The following SLC43A3 variants were observed in gnomAD, a reference collection of about 807,000 sequenced individuals.
SLC43A3 encodes equilibrative nucleobase transporter 1.
Under a neutral mutation model 53.3 loss-of-function variants are expected in SLC43A3, and 33 were observed. That is an observed-to-expected ratio of 0.62 (90% CI 0.47 to 0.83). The LOEUF (loss-of-function observed/expected upper bound fraction) is 0.83. Among genes scored for constraint, SLC43A3 ranks in the 40% least tolerant of loss-of-function variants. The probability of loss-of-function intolerance (pLI) is 0.00; values close to 1 mark genes in which losing one functional copy is unlikely to be tolerated. For synonymous variants in SLC43A3, 236 were observed against 246.2 expected, an observed-to-expected ratio of 0.96 and a Z score of 0.39; for missense variants, 530 against 610.0, an observed-to-expected ratio of 0.87 and a Z score of 1.38.
rs575306016 is a variant in SLC43A3, at chr11:57,408,049, C to G, written c.1372-153G>C. Reference sequence around the variant, plus strand: ...ACTTTTCACCCAGACACTATGGTGCCCTGGAGGAAGGACTTTCAGTTACTT... The same window carrying G: ...ACTTTTCACCCAGACACTATGGTGCGCTGGAGGAAGGACTTTCAGTTACTT... On this transcript the variant is annotated intron_variant, in intron 13 of 13. Coordinates refer to ENST00000395124, the MANE Select transcript of SLC43A3 (RefSeq NM_199329.3). 35 of 588,466 alleles carry G rather than the reference C, an allele frequency of 5.9e-5. No homozygotes were observed. In the East Asian group the frequency reaches 8.0e-4, roughly 13 times the overall value. The allele number at this position is 588,466 out of a possible 1,614,324, so 36.5% of individuals were successfully genotyped here. A position where few individuals can be genotyped will look rare whatever the true frequency, so the allele number is the denominator to read the frequency against.
intron 11 of SLC43A3, among the ~76,000 whole-genome samples, chr11:57,410,648 T>C (rs1028901977): frequency 6.6e-6 from 1 of 151,140 alleles, no homozygotes; most frequent in Non-Finnish European, 1.5e-5. Context: ...AAAAAAAAAC[T>C]CTGCAGAATA....
chr11:57,410,052 A>C lies in SLC43A3; in HGVS notation c.1130T>G (p.Leu377Arg), dbSNP rs775468779. The change falls in exon 12 of 14, where the codon CTG (leucine) becomes CGG (arginine). Residue 377 changes from leucine (L) to arginine (R), a missense_variant. Coordinates refer to ENST00000395124, the MANE Select transcript of SLC43A3 (RefSeq NM_199329.3). ...PSLALTSLLC[L>R]GFALCASVPI... ...GACTGAGGCACAGAGGGCGAAGCCC[A>C]GGCACAGCAGGGATGTCAGGGCCAG... 1.9e-6 allele frequency: 3 copies of C among 1,612,594 alleles called. No homozygotes were observed. The highest frequency in any genetic ancestry group is 2.5e-6 in the Non-Finnish European group (3 of 1,179,562).
At chr11:57,422,712 T>C (rs1457795730) in intron 5 of SLC43A3, among the ~76,000 whole-genome samples, 1 of 152,214 alleles carries the variant, frequency 6.6e-6, no homozygotes, top group Non-Finnish European at 1.5e-5. Flanking sequence ...AAGAGGAGGA[T>C]TGTTGCTCAG....
Position 57,426,312 on chromosome 11 carries a change from C to G in SLC43A3, c.-140G>C, listed in dbSNP as rs943174705. 3 of 731,772 alleles carry G rather than the reference C, an allele frequency of 4.1e-6. No homozygotes were observed. Among genetic ancestry groups the G allele is most frequent in the Non-Finnish European group, 6.6e-6 (3 of 454,278 alleles). 45.3% of individuals were successfully genotyped at this position (731,772 alleles called of 1,614,324 possible). A position where few individuals can be genotyped will look rare whatever the true frequency, so the allele number is the denominator to read the frequency against. On this transcript the variant is annotated 5_prime_UTR_variant, in exon 3 of 14. It removes the in-frame stop codon of an upstream open reading frame in the 5' UTR. Coordinates refer to ENST00000395124, the MANE Select transcript of SLC43A3 (RefSeq NM_199329.3). ...CTTTCCCGTAGCTCTCTGGTTGTTT[C>G]AGGCCTGGGCAAAAACCATCAGCGG... is the stretch of plus-strand genomic sequence containing the variant.
rs1403914202 is a variant in SLC43A3 at position 57,417,849 on chromosome 11, G to A, written c.570C>T (p.Phe190=). 1 of 1,614,078 alleles carries A rather than the reference G, an allele frequency of 6.2e-7. No individual in the cohort carries two copies. The highest frequency in any genetic ancestry group is 1.3e-5 in the African/African-American group (1 of 74,928). ...AGGTACTGCAGACAGAGATGAAGAT[G>A]AAGGAGGCCCTGAGGCTGATGCCTT... ...YEKGISLRAS[F]IFISVCSTWH... Residue 190 remains phenylalanine (F), a synonymous_variant, in exon 8 of 14, where the codon TTC becomes TTT. Coordinates refer to ENST00000395124, the MANE Select transcript of SLC43A3 (RefSeq NM_199329.3).
chr11:57,417,007 C>T (rs1405009765), intron 8 of SLC43A3, among the ~76,000 whole-genome samples: 1 of 152,156 alleles, frequency 6.6e-6, no homozygotes, highest in Non-Finnish European at 1.5e-5. Context: ...CCTTCTGAGC[C>T]TCATTTTTTG....
chr11:57,410,328 C>T (rs939150533), intron 11 of SLC43A3, among the ~76,000 whole-genome samples: 1 of 152,158 alleles, frequency 6.6e-6, no homozygotes, highest in African/African-American at 2.4e-5. Context: ...ACATATCATT[C>T]AAATGTGCCC....
chr11:57,416,027 T>C (rs1028618078), intron 9 of SLC43A3, among the ~76,000 whole-genome samples: 3 of 152,226 alleles, frequency 2.0e-5, no homozygotes, highest in Admixed American at 1.3e-4. Context: ...GTCTTCGTGC[T>C]GTGCATTAGA....
In SLC43A3 at chr11:57,410,021, G is replaced by C. The variant is rs768234249; in HGVS notation, c.1161C>G (p.Ile387Met). The change falls in exon 12 of 14, where the codon ATC becomes ATG. Residue 387 changes from isoleucine (I) to methionine (M), a missense_variant. Ile to Met is a conservative substitution (Grantham distance 10, BLOSUM62 1). Coordinates refer to ENST00000395124, the MANE Select transcript of SLC43A3 (RefSeq NM_199329.3). ...LGFALCASVP[I>M]LPLQYLTFIL... The stretch of plus-strand genomic sequence containing the variant: ...TGAAGGTGAGGTACTGGAGAGGGAG[G>C]ATGGGGACTGAGGCACAGAGGGCGA... 6.2e-7 allele frequency: 1 copy of C among 1,613,352 alleles called. No homozygotes were observed. The highest frequency in any genetic ancestry group is 1.7e-5 in the Admixed American group (1 of 59,958).
intron 4 of SLC43A3, among the ~76,000 whole-genome samples, chr11:57,424,806 G>A (rs1370497173): frequency 2.6e-5 from 4 of 152,072 alleles, no homozygotes; most frequent in Admixed American, 1.3e-4. Flanking sequence ...CAGCCCTCCC[G>A]TCTCTCTCTC....
chr11:57,413,572 G>C (rs1038272880), intron 11 of SLC43A3, among the ~76,000 whole-genome samples: 3 of 152,140 alleles, frequency 2.0e-5, no homozygotes, highest in Non-Finnish European at 4.4e-5. Flanking sequence ...GTGCATGGGT[G>C]GGGGAAGGGA....
rs544847369 is a variant in SLC43A3 at position 57,417,951 on chromosome 11, G to C, written c.532-64C>G. The C allele has an allele frequency of 6.8e-4, 1,026 of 1,518,806 alleles. 13 individuals are homozygous for C. In the South Asian group the frequency reaches 0.011, roughly 17 times the overall value. The allele number at this position is 1,518,806 out of a possible 1,614,324, so 94.1% of individuals were successfully genotyped here. ...GTTCATAGCAGCACTATTCACAATA[G>C]CCAAAGGATGGAAGCAAACTAAGGG... On this transcript the variant is annotated intron_variant, in intron 7 of 13. Coordinates refer to ENST00000395124, the MANE Select transcript of SLC43A3 (RefSeq NM_199329.3).
chr11:57,422,960 C>T (rs539658679), intron 5 of SLC43A3, among the ~76,000 whole-genome samples: 139 of 152,322 alleles, frequency 9.1e-4, no homozygotes, highest in African/African-American at 3.1e-3. Context: ...TTTAGCATAG[C>T]TTACACACAC....
intron 13 of SLC43A3, 58 bp from the exon 14 acceptor site, chr11:57,407,954 C>T: frequency 3.5e-6 from 4 of 1,145,770 alleles, no homozygotes; most frequent in East Asian, 2.3e-5. Flanking sequence ...AGAACTGTTG[C>T]TCAATGAAGC....
At chr11:57,407,973 G>T in intron 13 of SLC43A3, 77 bp from the exon 14 acceptor site, 1 of 957,498 alleles carries the variant, frequency 1.0e-6, no homozygotes, top group African/African-American at 1.6e-5. Flanking sequence ...GCAAGCACTG[G>T]TCCATTCCAT....
chr11:57,417,662 C>G (rs1942783559), intron 8 of SLC43A3, 86 bp downstream of exon 8: 4 of 1,496,950 alleles, frequency 2.7e-6, no homozygotes, highest in Non-Finnish European at 3.6e-6. Flanking sequence ...TCCTCCTCCT[C>G]TCCTGTGATA....
At chr11:57,408,098 G>T in intron 13 of SLC43A3, 1 of 518,904 alleles carries the variant, frequency 1.9e-6, no homozygotes, top group Non-Finnish European at 3.5e-6. Context: ...ATCGGTTGGG[G>T]TAGAGGAGGA....
rs1048876928 is a variant in SLC43A3, at chr11:57,410,070, A to G, written c.1112T>C (p.Leu371Pro). The change falls in exon 12 of 14, where the codon CTG becomes CCG. Residue 371 changes from leucine to proline, a missense_variant. Leu to Pro is a moderately conservative substitution (Grantham distance 98). Around this residue, in one of 3 missense-constraint regions of SLC43A3, gnomAD observed 124 missense variants for 166.4 expected, o/e 0.75. Transcript: ENST00000395124. The part of the protein sequence containing the change: ...ALCSTVPSLA[L>P]TSLLCLGFAL... The stretch of plus-strand genomic sequence containing the variant: ...GAAGCCCAGGCACAGCAGGGATGTC[A>G]GGGCCAGCGAAGGCACCGTCGAGCA... The G allele has an allele frequency of 6.2e-7, 1 of 1,611,706 alleles. No homozygotes were observed. Among genetic ancestry groups the G allele is most frequent in the Non-Finnish European group, 8.5e-7 (1 of 1,179,224 alleles).
rs575552614 is a variant in SLC43A3, at chr11:57,409,874, C to T, written c.1247+61G>A. On this transcript the variant is annotated intron_variant, in intron 12 of 13. Coordinates refer to ENST00000395124, the MANE Select transcript of SLC43A3 (RefSeq NM_199329.3). ...CCGCCTTGCCTCCCAATTTCTTTAC[C>T]TCCAGCTTCTCTTTGCCCCAGTGTG... 1,878 of 1,474,766 alleles carry T rather than the reference C, an allele frequency of 1.3e-3. 11 individuals are homozygous for T. Among genetic ancestry groups the T allele is most frequent in the Middle Eastern group, 6.6e-3 (28 of 4,262 alleles). The allele number at this position is 1,474,766 out of a possible 1,614,324, so 91.4% of individuals were successfully genotyped here. A position where few individuals can be genotyped will look rare whatever the true frequency, so the allele number is the denominator to read the frequency against.
Sources: allele counts gnomAD v4.1 joint callset (sites outside exome capture counted in the v4.1 genomes callset), GRCh38; gene constraint gnomAD v4.1.1; regional missense constraint gnomAD v4.1.1; transcripts MANE v1.5; gene names NCBI Gene and HGNC (gene_info 2026-07-23, HGNC 2026-07-21).